MYT1L: variants seen among roughly 807,000 people sequenced by gnomAD.
The protein encoded by MYT1L is myelin transcription factor 1 like.
A neutral mutation model predicts 126.7 loss-of-function variants in MYT1L; 12 were observed. The observed-to-expected ratio is 0.09, with a 90% confidence interval of 0.06 to 0.15. MYT1L has a LOEUF of 0.15. MYT1L is among the 10% of genes least tolerant of loss of function. The pLI, the probability that MYT1L is intolerant of heterozygous loss-of-function variation, is 1.00. For synonymous variants in MYT1L, 541 were observed against 604.2 expected (o/e 0.90, Z 1.53); for missense variants, 979 against 1,585.2 (o/e 0.62, Z 6.49).
At chr2:2,091,596 C>G (rs1575104844) in intron 3 of MYT1L, among the ~76,000 whole-genome samples, 1 of 152,288 alleles carries the variant, frequency 6.6e-6, no homozygotes, top group South Asian at 2.1e-4. Context: ...AGAGATCAAC[C>G]TGTCTTTAGA....
At chr2:2,194,536 G>A (rs1382991753) in intron 2 of MYT1L, among the ~76,000 whole-genome samples, 7 of 152,144 alleles carry the variant, frequency 4.6e-5, no homozygotes, top group Admixed American at 2.6e-4. Context: ...CCTTGCTGCC[G>A]TTTGGAAGCT....
In MYT1L at chr2:2,067,679, TAAAAG is replaced by T. The variant is rs563302632; in HGVS notation, c.-303-13561_-303-13557del. On this transcript the variant is annotated intron_variant, in intron 3 of 24. Coordinates refer to ENST00000647738, the MANE Select transcript of MYT1L (RefSeq NM_001303052.2). ...AACAGGACCCCCATAGCATTGACTA[TAAAAG>T]AAAAGATGAATTAATTTGAAAATAT... 2.8e-3 allele frequency among the ~76,000 whole-genome samples: 427 copies of T among 152,210 alleles called. 5 individuals are homozygous for T. Among genetic ancestry groups the T allele is most frequent in the African/African-American group, 9.7e-3 (405 of 41,540 alleles).
intron 1 of MYT1L, among the ~76,000 whole-genome samples, chr2:2,284,759 G>A (rs1026521823): frequency 2.1e-5 from 3 of 145,850 alleles, no homozygotes; most frequent in African/African-American, 7.4e-5. Flanking sequence ...AGGCTGGAGT[G>A]CAGTGGCGGG....
intron 2 of MYT1L, among the ~76,000 whole-genome samples, 197 bp from the exon 3 acceptor site, chr2:2,173,185 T>G (rs1033165233): frequency 6.6e-6 from 1 of 152,208 alleles, no homozygotes; most frequent in African/African-American, 2.4e-5. Context: ...CTAGAAGTAC[T>G]TTTTACACAT....
intron 3 of MYT1L, among the ~76,000 whole-genome samples, chr2:2,100,694 T>A (rs944627386): frequency 9.9e-5 from 15 of 152,148 alleles, no homozygotes; most frequent in Non-Finnish European, 5.9e-5. Context: ...GGAAGAAAAA[T>A]TTCCCCTTTC....
intron 23 of MYT1L, among the ~76,000 whole-genome samples, chr2:1,797,145 A>G (rs2147851738): frequency 6.6e-6 from 1 of 152,200 alleles, no homozygotes; most frequent in South Asian, 2.1e-4. Flanking sequence ...AATCCAGTTG[A>G]ATGGGGTTGG....
chr2:1,970,179 G>T (rs905917083), intron 8 of MYT1L, among the ~76,000 whole-genome samples: 1 of 152,148 alleles, frequency 6.6e-6, no homozygotes, highest in Non-Finnish European at 1.5e-5. Flanking sequence ...CCCAGAGCCG[G>T]ACTCAGGAGG....
At chr2:2,303,423 C>T (rs2095814625) in intron 1 of MYT1L, 1 of 152,426 alleles carries the variant, frequency 6.6e-6, no homozygotes, top group East Asian at 1.9e-4. Context: ...CAGTTCCTAC[C>T]AACTGATGCT....
intron 2 of MYT1L, among the ~76,000 whole-genome samples, chr2:2,237,654 A>G (rs1262839352): frequency 6.6e-6 from 1 of 152,208 alleles, no homozygotes; most frequent in Non-Finnish European, 1.5e-5. Flanking sequence ...CCTCGCCTGG[A>G]GCACTCAGTG....
At chr2:1,886,267 C>T (rs2048157798) in intron 18 of MYT1L, 1 of 337,208 alleles carries the variant, frequency 3.0e-6, no homozygotes, top group Non-Finnish European at 5.3e-6. Flanking sequence ...GCATGCATAT[C>T]TGAAGAGAAA....
rs1197637882 is a variant in MYT1L at position 1,840,900 on chromosome 2, C to CTTTT, written c.2775-58_2775-57insAAAA. 399 of 758,200 alleles carry CTTTT rather than the reference C, an allele frequency of 5.3e-4. 13 individuals carry two copies. Among genetic ancestry groups the CTTTT allele is most frequent in the African/African-American group, 1.5e-3 (55 of 37,038 alleles). 47.0% of individuals were successfully genotyped at this position (758,200 alleles called of 1,614,324 possible). On this transcript the variant is annotated intron_variant, in intron 19 of 24. Transcript: ENST00000647738. ...CACACCGTTGATTTCAGTGAGCTTTCTTTCTTTTTTTTTTTTTTTTTGAGA... is the reference window on the plus strand; with the variant it reads ...CACACCGTTGATTTCAGTGAGCTTTCTTTTTTTCTTTTTTTTTTTTTTTTTGAGA...
chr2:2,225,428 G>A (rs550322684), intron 2 of MYT1L, among the ~76,000 whole-genome samples: 14 of 152,226 alleles, frequency 9.2e-5, no homozygotes, highest in South Asian at 2.1e-4. Flanking sequence ...CCACCTCCCC[G>A]TCCACTCTCC....
chr2:2,177,097 G>A (rs1234279735), intron 2 of MYT1L, among the ~76,000 whole-genome samples: 1 of 152,330 alleles, frequency 6.6e-6, no homozygotes, highest in Admixed American at 6.5e-5. Flanking sequence ...AGCCTTCCCC[G>A]TCTGCTGTGT....
intron 2 of MYT1L, among the ~76,000 whole-genome samples, chr2:2,200,825 C>T (rs1238527666): frequency 1.3e-5 from 2 of 152,202 alleles, no homozygotes; most frequent in Admixed American, 6.5e-5. Flanking sequence ...AGAGCTCTCA[C>T]GCTGGAGCCA....
intron 2 of MYT1L, among the ~76,000 whole-genome samples, chr2:2,190,555 T>TAAAAAAAA (rs777939174): frequency 2.8e-5 from 3 of 108,448 alleles, no homozygotes; most frequent in South Asian, 3.2e-4. Flanking sequence ...CAAGACCTGT[T>TAAAAAAAA]AAAAAAAAAA....
intron 2 of MYT1L, among the ~76,000 whole-genome samples, chr2:2,279,829 C>T (rs911901000): frequency 1.3e-5 from 2 of 152,306 alleles, no homozygotes; most frequent in East Asian, 1.9e-4. Flanking sequence ...CTTTCACTAG[C>T]TTCTTCTAAT....
At chr2:2,250,137 G>C (rs1178709912) in intron 2 of MYT1L, among the ~76,000 whole-genome samples, 1 of 152,036 alleles carries the variant, frequency 6.6e-6, no homozygotes, top group Non-Finnish European at 1.5e-5. Flanking sequence ...AATAAAAATA[G>C]AGCTACCATA....
chr2:2,243,462 G>A (rs185860792), intron 2 of MYT1L, among the ~76,000 whole-genome samples: 110 of 152,194 alleles, frequency 7.2e-4, no homozygotes, highest in African/African-American at 2.5e-3. Flanking sequence ...ACAAAACAGG[G>A]GCACAAACTA....
At chr2:2,090,200 C>T (rs2150377573) in intron 3 of MYT1L, among the ~76,000 whole-genome samples, 1 of 152,282 alleles carries the variant, frequency 6.6e-6, no homozygotes, top group Non-Finnish European at 1.5e-5. Flanking sequence ...CTTTGTCAAT[C>T]AATCAAAACA....
Sources: gnomAD v4.1 joint callset for allele counts (sites outside exome capture counted in the v4.1 genomes callset) on GRCh38, gnomAD v4.1.1 for gene constraint, MANE v1.5 for transcripts, NCBI Gene and HGNC (gene_info 2026-07-23, HGNC 2026-07-21) for gene names.